ASAP2: variants seen among roughly 807,000 people sequenced by gnomAD.
ASAP2 encodes the protein ArfGAP with SH3 domain, ankyrin repeat and PH domain 2.
A neutral mutation model predicts 131.4 loss-of-function variants in ASAP2; 45 were observed. The observed-to-expected ratio is 0.34, with a 90% CI of 0.27 to 0.44. The LOEUF (loss-of-function observed/expected upper bound fraction) is 0.44, where lower values mean the gene tolerates loss of function less well. ASAP2 is among the 20% of genes least tolerant of loss of function. The probability of loss-of-function intolerance (pLI) is 1.00; values close to 1 mark genes in which losing one functional copy is unlikely to be tolerated. For missense variants in ASAP2, 1,011 were observed against 1,297.0 expected (o/e 0.78, Z 3.39); for synonymous variants, 510 against 503.0 (o/e 1.01, Z -0.19).
At chr2:9,387,716 G>A (rs1000047632) in intron 21 of ASAP2, among the ~76,000 whole-genome samples, 6 of 152,234 alleles carry the variant, frequency 3.9e-5, no homozygotes, top group South Asian at 4.1e-4. Flanking sequence ...ATTTTAACCT[G>A]TAATTAACAG....
intron 1 of ASAP2, among the ~76,000 whole-genome samples, chr2:9,209,790 A>T (rs868791986): frequency 3.9e-5 from 6 of 152,274 alleles, no homozygotes; most frequent in Middle Eastern, 3.4e-3. Flanking sequence ...GCTGGTCTCG[A>T]ACTCCTGACC....
chr2:9,292,287 A>C (rs1667864921), intron 2 of ASAP2, among the ~76,000 whole-genome samples: 1 of 152,114 alleles, frequency 6.6e-6, no homozygotes, highest in Non-Finnish European at 1.5e-5. Context: ...TGGGAGGCTG[A>C]GGAGGGTGGA....
intron 12 of ASAP2, among the ~76,000 whole-genome samples, chr2:9,352,303 T>A (rs1316826369): frequency 6.6e-6 from 1 of 152,046 alleles, no homozygotes; most frequent in Non-Finnish European, 1.5e-5. Context: ...AGGCTTGAAT[T>A]GAAGAGTTTC....
intron 2 of ASAP2, among the ~76,000 whole-genome samples, chr2:9,291,188 T>G (rs942101253): frequency 1.3e-5 from 2 of 152,194 alleles, no homozygotes; most frequent in African/African-American, 4.8e-5. Context: ...TCACTCTTTA[T>G]AAATGTTCTG....
intron 9 of ASAP2, among the ~76,000 whole-genome samples, chr2:9,338,120 G>A (rs1382695535): frequency 6.6e-6 from 1 of 152,172 alleles, no homozygotes; most frequent in East Asian, 1.9e-4. Flanking sequence ...TTGGGGTGCT[G>A]GCGGAGTCCC....
At chr2:9,385,888 C>G (rs758388536) in intron 21 of ASAP2, among the ~76,000 whole-genome samples, 3 of 152,248 alleles carry the variant, frequency 2.0e-5, no homozygotes, top group African/African-American at 4.8e-5. Flanking sequence ...TGCACGAAGG[C>G]TCTTGCCTCC....
In ASAP2 at chr2:9,217,621, T is replaced by G. The variant is rs13415169; in HGVS notation, c.126+10391T>G. Reference sequence around the variant, plus strand: ...CTTAGAGGTATGTTTTTGTTTTTTGTTTTTTTTTTTGAGACGGAGTCTTCG... The same window carrying G: ...CTTAGAGGTATGTTTTTGTTTTTTGGTTTTTTTTTTGAGACGGAGTCTTCG... On this transcript the variant is annotated intron_variant, in intron 1 of 27. Coordinates refer to ENST00000281419, the MANE Select transcript of ASAP2 (RefSeq NM_003887.3). This position sits in a 1 kb window ranked among gnomAD's most constrained non-coding sequence, Gnocchi z 4.0. Among the ~76,000 whole-genome samples, 1 of 51,668 alleles carries G rather than the reference T, an allele frequency of 1.9e-5. No homozygotes were observed. Among genetic ancestry groups the G allele is most frequent in the Non-Finnish European group, 4.5e-5 (1 of 22,044 alleles). 33.9% of individuals were successfully genotyped at this position (51,668 alleles called of 152,430 possible).
chr2:9,312,140 T>C (rs1572418925), intron 3 of ASAP2, among the ~76,000 whole-genome samples: 2 of 152,232 alleles, frequency 1.3e-5, no homozygotes, highest in African/African-American at 4.8e-5. Context: ...TAGGACATTT[T>C]CTTCTCCCCT....
chr2:9,317,887 A>G (rs1301605480), intron 3 of ASAP2, among the ~76,000 whole-genome samples: 1 of 151,946 alleles, frequency 6.6e-6, no homozygotes, highest in Non-Finnish European at 1.5e-5. Flanking sequence ...TCACTCACAT[A>G]CACCCTCATG....
At chr2:9,301,820 CTTTTT>C (rs1177064910) in intron 3 of ASAP2, among the ~76,000 whole-genome samples, 3 of 115,392 alleles carry the variant, frequency 2.6e-5, no homozygotes, top group African/African-American at 1.1e-4. Context: ...TATCCATCAT[CTTTTT>C]TTTTTTTTTT....
chr2:9,271,483 C>T (rs975062898), intron 1 of ASAP2: 19 of 1,405,584 alleles, frequency 1.4e-5, no homozygotes, highest in Non-Finnish European at 1.8e-5. Flanking sequence ...ATCAGCGATC[C>T]CTTGGACAGT....
intron 24 of ASAP2, among the ~76,000 whole-genome samples, chr2:9,394,159 C>CTTTTTTTT (rs71389241): frequency 8.6e-5 from 7 of 81,778 alleles, no homozygotes; most frequent in Non-Finnish European, 1.6e-4. Context: ...TAGTTTGTGG[C>CTTTTTTTT]TTTTTTTTTT....
At chr2:9,214,491 C>T (rs560525731) in intron 1 of ASAP2, among the ~76,000 whole-genome samples, 23 of 152,184 alleles carry the variant, frequency 1.5e-4, no homozygotes, top group Non-Finnish European at 2.8e-4. Flanking sequence ...CCGCCCACCT[C>T]GGCCTCACAA....
chr2:9,292,723 A>G (rs1317597177), intron 2 of ASAP2, among the ~76,000 whole-genome samples: 1 of 152,110 alleles, frequency 6.6e-6, no homozygotes, highest in Non-Finnish European at 1.5e-5. Context: ...TGCCTGATGC[A>G]TTGTAAGTGA....
At chr2:9,221,254 C>T in intron 1 of ASAP2, among the ~76,000 whole-genome samples, 1 of 151,694 alleles carries the variant, frequency 6.6e-6, no homozygotes, top group Non-Finnish European at 1.5e-5. Context: ...GGAGTATAGA[C>T]ATCTTAACAA....
At position 9,385,146 on chromosome 2, in the gene ASAP2, T is replaced by C. The variant is rs1675168844; in HGVS notation, c.2017-99T>C. 1.2e-5 allele frequency: 10 copies of C among 841,166 alleles called. No homozygotes were observed. The South Asian group carries it at 1.5e-4, about 13-fold the overall frequency. The allele number at this position is 841,166 out of a possible 1,614,324, so 52.1% of individuals were successfully genotyped here. A position where few individuals can be genotyped will look rare whatever the true frequency, so the allele number is the denominator to read the frequency against. ...CCCAGAGATTTCCATGCATTTGCCTTGGACTAGAAGGCAGGCCTCCTGCCT... is the reference window on the plus strand; with the variant it reads ...CCCAGAGATTTCCATGCATTTGCCTCGGACTAGAAGGCAGGCCTCCTGCCT... On this transcript the variant is annotated intron_variant, in intron 20 of 27. Transcript: ENST00000281419.
At chr2:9,261,342 G>A (rs897803956) in intron 1 of ASAP2, among the ~76,000 whole-genome samples, 4 of 152,112 alleles carry the variant, frequency 2.6e-5, no homozygotes, top group Non-Finnish European at 5.9e-5. Context: ...GCATTTCATC[G>A]GTTCAAAGCC....
At chr2:9,339,539 A>G (rs1423092152) in intron 9 of ASAP2, among the ~76,000 whole-genome samples, 1 of 152,180 alleles carries the variant, frequency 6.6e-6, no homozygotes, top group Admixed American at 6.5e-5. Context: ...TTAATAAACT[A>G]TCTTAATAGT....
Position 9,219,164 on chromosome 2 carries a change from G to A in ASAP2, c.126+11934G>A, listed in dbSNP as rs148153343. On this transcript the variant is annotated intron_variant, in intron 1 of 27. Coordinates refer to ENST00000281419, the MANE Select transcript of ASAP2 (RefSeq NM_003887.3). ...GGTTTTGTGGTCATTGAGTAATGTG[G>A]ACTGTTGAACTTCAAGAAAATACTG... 2.2e-3 allele frequency among the ~76,000 whole-genome samples: 340 copies of A among 152,300 alleles called. 7 individuals are homozygous for A. The East Asian group carries it at 0.026, about 12-fold the overall frequency.
Sources: gnomAD v4.1 joint callset for allele counts (sites outside exome capture counted in the v4.1 genomes callset) on GRCh38, gnomAD v4.1.1 for gene constraint, Gnocchi (gnomAD v3.1) non-coding constraint, MANE v1.5 for transcripts, NCBI Gene and HGNC (gene_info 2026-07-23, HGNC 2026-07-21) for gene names.